The following TMEM138 variants were observed in gnomAD, a reference collection of about 807,000 sequenced individuals.
The protein encoded by TMEM138 is transmembrane protein 138.
In TMEM138, 9 loss-of-function variants were observed where a neutral mutation model predicts 18.1. That is an observed-to-expected ratio of 0.50 (90% CI 0.30 to 0.87). The LOEUF is 0.87. TMEM138 is among the 40% of genes least tolerant of loss of function. The pLI is 0.06. For synonymous variants in TMEM138, 79 were observed against 74.8 expected (o/e 1.06, Z -0.29); for missense variants, 189 against 190.6 (o/e 0.99, Z 0.05).
At position 61,364,472 on chromosome 11, in the gene TMEM138, T is replaced by G. The variant is rs764405866; in HGVS notation, c.82T>G (p.Ser28Ala). The G allele has an allele frequency of 1.2e-5, 19 of 1,614,112 alleles. 1 individual carries two copies. The South Asian group carries it at 1.9e-4, about 16-fold the overall frequency. Residue 28 changes from serine (S) to alanine (A), a missense_variant, in exon 2 of 5, where the codon TCA becomes GCA. Coordinates refer to ENST00000278826, the MANE Select transcript of TMEM138 (RefSeq NM_016464.5). ...CTATGACCTCTTTGTCAATTCCTTC[T>G]CAGAACTGCTCCAAAAGACTCCTGT... is the stretch of plus-strand genomic sequence containing the variant. Reference protein sequence around the residue: ...LSYDLFVNSFSELLQKTPVIQ... With the variant: ...LSYDLFVNSFAELLQKTPVIQ...
At chr11:61,365,102 C>T (rs1858092784) in intron 2 of TMEM138, among the ~76,000 whole-genome samples, 1 of 145,006 alleles carries the variant, frequency 6.9e-6, no homozygotes, top group South Asian at 2.2e-4. Flanking sequence ...GCAGGAGAAT[C>T]ACTTGAACCT....
intron 1 of TMEM138, chr11:61,363,295 C>A (rs1858004842): frequency 6.6e-6 from 1 of 152,218 alleles, no homozygotes; most frequent in African/African-American, 2.4e-5. Flanking sequence ...GGTGGGACTT[C>A]ACCAGCTGAG....
At chr11:61,371,405 G>A (rs1473444825), downstream of TMEM138, among the ~76,000 whole-genome samples, 1 of 152,006 alleles carries the variant, frequency 6.6e-6, no homozygotes, top group African/African-American at 2.4e-5. Flanking sequence ...CACCCCCAGG[G>A]AAAGGAAAAA....
At chr11:61,373,938 G>C (rs2135175234), downstream of TMEM138, among the ~76,000 whole-genome samples, 1 of 152,076 alleles carries the variant, frequency 6.6e-6, no homozygotes, top group African/African-American at 2.4e-5. Context: ...CCGCCTCCTG[G>C]TTCAAGCAAT....
downstream of TMEM138, among the ~76,000 whole-genome samples, chr11:61,371,301 G>A (rs1418137933): frequency 6.6e-6 from 1 of 152,126 alleles, no homozygotes; most frequent in African/African-American, 2.4e-5. Context: ...CCAAAGTGCT[G>A]GGATTACAGG....
downstream of TMEM138, among the ~76,000 whole-genome samples, chr11:61,372,501 A>G (rs1344631300): frequency 1.3e-5 from 2 of 148,924 alleles, no homozygotes; most frequent in Middle Eastern, 3.4e-3. Flanking sequence ...AAAAAAAAAA[A>G]GCTGGGTGCG....
downstream of TMEM138, among the ~76,000 whole-genome samples, chr11:61,373,518 T>G (rs1858392799): frequency 6.6e-6 from 1 of 152,168 alleles, no homozygotes; most frequent in African/African-American, 2.4e-5. Flanking sequence ...ACCTTTTTTT[T>G]TTTTTGAAAT....
intron 2 of TMEM138, 29 bp from the exon 3 acceptor site, chr11:61,366,016 A>G: frequency 1.3e-6 from 2 of 1,597,384 alleles, no homozygotes; most frequent in African/African-American, 1.3e-5. Context: ...ACAGGCCTTC[A>G]TTGGTTGTAC....
intron 3 of TMEM138, chr11:61,366,959 C>G (rs866725654): frequency 2.6e-5 from 4 of 152,218 alleles, no homozygotes; most frequent in African/African-American, 9.6e-5. Context: ...CCAGAACATT[C>G]AATTCACCTT....
chr11:61,365,223 TG>T (rs535851365), intron 2 of TMEM138, among the ~76,000 whole-genome samples: 149 of 152,004 alleles, frequency 9.8e-4, no homozygotes, highest in African/African-American at 3.4e-3. Flanking sequence ...TCAGATAGCC[TG>T]GGCAACATAG....
chr11:61,372,958 T>A (rs1406324850), downstream of TMEM138, among the ~76,000 whole-genome samples: 3 of 151,510 alleles, frequency 2.0e-5, no homozygotes, highest in East Asian at 5.8e-4. Context: ...AAAAACAGAT[T>A]AAAAAAAAAG....
Position 61,368,244 on chromosome 11 carries a change from T to C in TMEM138, c.376+246T>C, listed in dbSNP as rs1858223571. Reference sequence around the variant, plus strand: ...GTTTGTTTGTTTGTTTGTTTGTTTTTGAGACAGTCTTGCTCTGTCGCCCAG... The same window carrying C: ...GTTTGTTTGTTTGTTTGTTTGTTTTCGAGACAGTCTTGCTCTGTCGCCCAG... On this transcript the variant is annotated intron_variant, in intron 4 of 4. Coordinates refer to ENST00000278826, the MANE Select transcript of TMEM138 (RefSeq NM_016464.5). 4.9e-6 allele frequency: 3 copies of C among 617,772 alleles called. No homozygotes were observed. The African/African-American group carries it at 5.4e-5, about 11-fold the overall frequency. 38.3% of individuals were successfully genotyped at this position (617,772 alleles called of 1,614,324 possible). A position where few individuals can be genotyped will look rare whatever the true frequency, so the allele number is the denominator to read the frequency against.
chr11:61,370,769 A>G (rs1025634940), downstream of TMEM138, among the ~76,000 whole-genome samples: 1 of 152,166 alleles, frequency 6.6e-6, no homozygotes, highest in Non-Finnish European at 1.5e-5. Flanking sequence ...TAACCACGAC[A>G]CTGAAGCATG....
At chr11:61,365,014 C>T (rs1275349205) in intron 2 of TMEM138, among the ~76,000 whole-genome samples, 1 of 151,736 alleles carries the variant, frequency 6.6e-6, no homozygotes, top group Non-Finnish European at 1.5e-5. Context: ...ATGGAGAAAC[C>T]CCATCTCTAC....
rs374643895 is a variant in TMEM138 at position 61,368,746 on chromosome 11, T to C, written c.*37T>C. The C allele has an allele frequency of 3.3e-6, 5 of 1,522,928 alleles. No individual in the cohort carries two copies. The African/African-American group carries it at 4.1e-5, about 13-fold the overall frequency. The allele number at this position is 1,522,928 out of a possible 1,614,324, so 94.3% of individuals were successfully genotyped here. ...ACTGATGGATACTTTTCCTTCCTGA[T>C]AGAAGCCACATTTGCTGCTTTGCAG... is the stretch of plus-strand genomic sequence containing the variant. On this transcript the variant is annotated 3_prime_UTR_variant, in exon 5 of 5. Coordinates refer to ENST00000278826, the MANE Select transcript of TMEM138 (RefSeq NM_016464.5).
At chr11:61,373,850 T>A (rs1434188550), downstream of TMEM138, among the ~76,000 whole-genome samples, 5 of 151,994 alleles carry the variant, frequency 3.3e-5, no homozygotes, top group South Asian at 8.3e-4. Flanking sequence ...TTATTTTTTT[T>A]TTTTTTAAAG....
intron 2 of TMEM138, 176 bp downstream of exon 2, chr11:61,364,694 A>G: frequency 3.8e-6 from 3 of 799,084 alleles, no homozygotes; most frequent in Non-Finnish European, 5.7e-6. Flanking sequence ...TTTGAGGACC[A>G]GCCTAGGCAA....
At chr11:61,365,964 G>T (rs1236948219) in intron 2 of TMEM138, 81 bp from the exon 3 acceptor site, 1 of 1,501,408 alleles carries the variant, frequency 6.7e-7, no homozygotes, top group African/African-American at 1.4e-5. Context: ...GACAGGCCTC[G>T]TGGTGTCCCT....
chr11:61,375,444 T>C (rs1446284041), downstream of TMEM138, among the ~76,000 whole-genome samples: 1 of 147,888 alleles, frequency 6.8e-6, no homozygotes, highest in Non-Finnish European at 1.5e-5. Context: ...TGCCTCAGCC[T>C]CCCAAGTAGC....
Sources: gnomAD v4.1 joint callset for allele counts (sites outside exome capture counted in the v4.1 genomes callset) on GRCh38, gnomAD v4.1.1 for gene constraint, MANE v1.5 for transcripts, NCBI Gene and HGNC (gene_info 2026-07-23, HGNC 2026-07-21) for gene names.